Variants in MTHFD2L observed in about 807,000 individuals in gnomAD.
The protein encoded by MTHFD2L is methylenetetrahydrofolate dehydrogenase (NADP+ dependent) 2 like, also known as bifunctional methylenetetrahydrofolate dehydrogenase/cyclohydrolase 2, mitochondrial.
Under a neutral mutation model 34.9 loss-of-function variants are expected in MTHFD2L, and 29 were observed. The observed-to-expected ratio is 0.83, with a 90% CI of 0.62 to 1.13. MTHFD2L has a LOEUF of 1.13. Ranked by LOEUF, MTHFD2L falls within the 50% of genes most tolerant of loss-of-function variation. MTHFD2L has a pLI of 0.00. For missense variants in MTHFD2L, 481 were observed against 446.5 expected, an observed-to-expected ratio of 1.08 and a Z score of -0.70; for synonymous variants, 167 against 155.7, an observed-to-expected ratio of 1.07 and a Z score of -0.54.
intron 3 of MTHFD2L, among the ~76,000 whole-genome samples, chr4:74,178,082 G>C (rs1729396175): frequency 1.3e-5 from 2 of 151,896 alleles, no homozygotes; most frequent in Non-Finnish European, 2.9e-5. Context: ...TGGTTACCAG[G>C]GACTGAGGAC....
chr4:74,232,012 G>A (rs891408887), intron 6 of MTHFD2L, among the ~76,000 whole-genome samples: 2 of 152,164 alleles, frequency 1.3e-5, no homozygotes, highest in Non-Finnish European at 2.9e-5. Context: ...TAAGTGTTAT[G>A]TGTTAATGTA....
At chr4:74,234,524 A>G (rs1740558391) in intron 6 of MTHFD2L, among the ~76,000 whole-genome samples, 2 of 152,050 alleles carry the variant, frequency 1.3e-5, no homozygotes, top group Non-Finnish European at 2.9e-5. Flanking sequence ...TATTATGAAC[A>G]GTTCTGTAAT....
Position 74,185,181 on chromosome 4 carries a change from C to CAAAAAA in MTHFD2L, c.451+9778_451+9779insAAAAAA, listed in dbSNP as rs1730964644. ...AAAAAAAAAAAAAAAAAAAAAAAAT[C>CAAAAAA]TGGAAAATCCCTAAATATTTGAAAA... On this transcript the variant is annotated intron_variant, in intron 3 of 7. Coordinates refer to ENST00000325278, the MANE Select transcript of MTHFD2L (RefSeq NM_001144978.3). 2.4e-4 allele frequency among the ~76,000 whole-genome samples: 26 copies of CAAAAAA among 109,304 alleles called. 2 individuals are homozygous for CAAAAAA. The highest frequency in any genetic ancestry group is 8.3e-4 in the East Asian group (3 of 3,610). The allele number at this position is 109,304 out of a possible 152,430, so 71.7% of individuals were successfully genotyped here. A position where few individuals can be genotyped will look rare whatever the true frequency, so the allele number is the denominator to read the frequency against.
At chr4:74,204,400 G>A (rs537927217) in intron 5 of MTHFD2L, among the ~76,000 whole-genome samples, 3 of 152,120 alleles carry the variant, frequency 2.0e-5, no homozygotes, top group African/African-American at 7.2e-5. Context: ...ATAATAATCT[G>A]TAGCCATTCT....
At chr4:74,142,616 AT>A (rs1433995034) in intron 1 of MTHFD2L, among the ~76,000 whole-genome samples, 5 of 152,242 alleles carry the variant, frequency 3.3e-5, no homozygotes, top group Admixed American at 2.6e-4. Flanking sequence ...GACATTTAAT[AT>A]GTTAAAATAT....
At chr4:74,188,411 C>G (rs1158104486) in intron 3 of MTHFD2L, among the ~76,000 whole-genome samples, 5 of 152,134 alleles carry the variant, frequency 3.3e-5, no homozygotes, top group Non-Finnish European at 7.3e-5. Flanking sequence ...TATAAGGACA[C>G]TAAATCATAT....
At chr4:74,239,544 A>G (rs993083726) in intron 6 of MTHFD2L, among the ~76,000 whole-genome samples, 2 of 151,738 alleles carry the variant, frequency 1.3e-5, no homozygotes, top group African/African-American at 4.8e-5. Flanking sequence ...TTTCCCCCAC[A>G]TTTATTTTTG....
Position 74,285,961 on chromosome 4 carries a change from A to C in MTHFD2L, c.931+4411A>C, listed in dbSNP as rs145035570. ...TCACTGTGGAAGGTAATGTTTGCTA[A>C]GCACCTTGCCAACCATTATGTTCTT... On this transcript the variant is annotated intron_variant, in intron 7 of 7. Coordinates refer to ENST00000325278, the MANE Select transcript of MTHFD2L (RefSeq NM_001144978.3). Among the ~76,000 whole-genome samples the C allele has an allele frequency of 2.4e-4, 37 of 152,282 alleles. No individual in the cohort carries two copies. The East Asian group carries it at 5.4e-3, about 22-fold the overall frequency.
At chr4:74,120,596 G>A (rs181819662), upstream of MTHFD2L, among the ~76,000 whole-genome samples, 31 of 152,172 alleles carry the variant, frequency 2.0e-4, no homozygotes, top group Admixed American at 5.9e-4. Flanking sequence ...TGTGTCATCC[G>A]TAGAGAAATG....
chr4:74,267,371 T>TTTTCTTTCTTTCTTTCTTTCTTTCTTTC (rs200111752), intron 6 of MTHFD2L: 5 of 451,610 alleles, frequency 1.1e-5, no homozygotes, highest in African/African-American at 9.0e-5. Context: ...CCTTTCTCTT[T>TTTTCTTTCTTTCTTTCTTTCTTTCTTTC]TTTCTTTCTT....
chr4:74,153,084 A>G (rs990789529), intron 1 of MTHFD2L, among the ~76,000 whole-genome samples: 1 of 151,998 alleles, frequency 6.6e-6, no homozygotes, highest in African/African-American at 2.4e-5. Context: ...TTGACATCTC[A>G]GTTTCTTAGT....
intron 5 of MTHFD2L, among the ~76,000 whole-genome samples, chr4:74,203,144 CAT>C (rs1243387764): frequency 1.3e-5 from 2 of 151,910 alleles, no homozygotes; most frequent in African/African-American, 4.8e-5. Flanking sequence ...GAAATCAATA[CAT>C]ATATATATGT....
intron 1 of MTHFD2L, among the ~76,000 whole-genome samples, chr4:74,144,324 G>A (rs1578251284): frequency 6.6e-6 from 1 of 152,014 alleles, no homozygotes; most frequent in African/African-American, 2.4e-5. Flanking sequence ...ATGGTGGCAG[G>A]CGCCTGTAGT....
intron 1 of MTHFD2L, among the ~76,000 whole-genome samples, chr4:74,142,284 T>C (rs191526872): frequency 1.3e-5 from 2 of 152,346 alleles, no homozygotes; most frequent in East Asian, 3.9e-4. Flanking sequence ...TCCCCCAAAA[T>C]TCATACATTG....
rs575196428 is a variant in MTHFD2L at position 74,270,477 on chromosome 4, A to G, written c.806-10948A>G. On this transcript the variant is annotated intron_variant, in intron 6 of 7. Coordinates refer to ENST00000325278, the MANE Select transcript of MTHFD2L (RefSeq NM_001144978.3). ...AGAATGATGGTTTCCAGCTTCATCC[A>G]TGTCCCTACAAAGGACATGAACTCA... 8.3e-4 allele frequency among the ~76,000 whole-genome samples: 126 copies of G among 152,250 alleles called. 2 individuals carry two copies. In the South Asian group the frequency reaches 0.024, roughly 29 times the overall value.
At chr4:74,269,827 G>A (rs938838923) in intron 6 of MTHFD2L, among the ~76,000 whole-genome samples, 1 of 152,090 alleles carries the variant, frequency 6.6e-6, no homozygotes, top group African/African-American at 2.4e-5. Context: ...TAGTGCCTTA[G>A]TAAACTCTAA....
In MTHFD2L at chr4:74,199,877, T is replaced by C. The variant is rs757949540; in HGVS notation, c.535T>C (p.Leu179=). The change falls in exon 4 of 8, where the codon TTG becomes CTG. Residue 179 remains leucine, a synonymous_variant. Coordinates refer to ENST00000325278, the MANE Select transcript of MTHFD2L (RefSeq NM_001144978.3). ...ATTTCATATTATCAATATTGGAAGATTGTGCCTTGATCAGCATTCTCTCAT... is the reference window on the plus strand; with the variant it reads ...ATTTCATATTATCAATATTGGAAGACTGTGCCTTGATCAGCATTCTCTCAT... The part of the protein sequence containing the change: ...DGFHIINIGR[L]CLDQHSLIPA... 8 of 1,613,858 alleles carry C rather than the reference T, an allele frequency of 5.0e-6. No homozygotes were observed. The highest frequency in any genetic ancestry group is 1.3e-5 in the African/African-American group (1 of 74,924).
chr4:74,208,054 C>A (rs1034897358), intron 5 of MTHFD2L, among the ~76,000 whole-genome samples: 1 of 151,898 alleles, frequency 6.6e-6, no homozygotes, highest in Non-Finnish European at 1.5e-5. Flanking sequence ...GGGGAAGGAA[C>A]CATTGTCTAA....
At chr4:74,283,087 G>A (rs1043235894) in intron 7 of MTHFD2L, among the ~76,000 whole-genome samples, 38 of 152,084 alleles carry the variant, frequency 2.5e-4, no homozygotes, top group African/African-American at 9.2e-4. Flanking sequence ...CATTTGTGAT[G>A]CACCCAGATG....
Sources: allele counts gnomAD v4.1 joint callset (sites outside exome capture counted in the v4.1 genomes callset), GRCh38; gene constraint gnomAD v4.1.1; transcripts MANE v1.5; gene names NCBI Gene and HGNC (gene_info 2026-07-23, HGNC 2026-07-21).